AGBL4: variants seen among roughly 807,000 people sequenced by gnomAD.
AGBL4 encodes the protein AGBL carboxypeptidase 4, also known as cytosolic carboxypeptidase 6.
Under a neutral mutation model 66.4 loss-of-function variants are expected in AGBL4, and 58 were observed. That is an observed-to-expected ratio of 0.87 (90% CI 0.71 to 1.09). The LOEUF (loss-of-function observed/expected upper bound fraction) is 1.09. Ranked by LOEUF, AGBL4 falls within the 50% of genes least tolerant of loss-of-function variation. The pLI is 0.00. For missense variants in AGBL4, 579 were observed against 631.0 expected (o/e 0.92, Z 0.88); for synonymous variants, 234 against 222.9 (o/e 1.05, Z -0.44).
intron 4 of AGBL4, among the ~76,000 whole-genome samples, chr1:49,092,167 G>A (rs1194822848): frequency 6.6e-6 from 1 of 152,086 alleles, no homozygotes; most frequent in Non-Finnish European, 1.5e-5. Context: ...ATGTACCCCT[G>A]CAACTATAAT....
At chr1:50,016,479 T>C (rs1207904807) in intron 1 of AGBL4, among the ~76,000 whole-genome samples, 1 of 152,182 alleles carries the variant, frequency 6.6e-6, no homozygotes, top group African/African-American at 2.4e-5. Flanking sequence ...GGACAATCAC[T>C]TGAACCCAGG....
Position 49,293,480 on chromosome 1 carries a change from T to C in AGBL4, c.283-47616A>G, listed in dbSNP as rs528043357. 4.6e-5 allele frequency among the ~76,000 whole-genome samples: 7 copies of C among 152,314 alleles called. No individual in the cohort carries two copies. The East Asian group carries it at 1.2e-3, about 25-fold the overall frequency. ...ACACTATTTATTTGTAAAAATTCAT[T>C]GAGTTATTATATACGTAAAATTTGA... On this transcript the variant is annotated intron_variant, in intron 3 of 13. Transcript: ENST00000371839.
chr1:48,669,623 C>G (rs1646244559), intron 6 of AGBL4, among the ~76,000 whole-genome samples: 1 of 152,144 alleles, frequency 6.6e-6, no homozygotes, highest in Non-Finnish European at 1.5e-5. Flanking sequence ...TTCAGTTTCC[C>G]AGACTTTATA....
intron 1 of AGBL4, among the ~76,000 whole-genome samples, chr1:49,892,794 C>T (rs1054863251): frequency 1.3e-5 from 2 of 152,162 alleles, no homozygotes; most frequent in African/African-American, 4.8e-5. Context: ...ATTCCTCACA[C>T]TTTTCTGTTT....
chr1:49,847,732 C>T (rs1324295476), intron 2 of AGBL4, among the ~76,000 whole-genome samples: 2 of 149,344 alleles, frequency 1.3e-5, no homozygotes, highest in Non-Finnish European at 3.0e-5. Context: ...GATGGAGTCT[C>T]GCTCTGTCAC....
intron 5 of AGBL4, among the ~76,000 whole-genome samples, chr1:49,035,828 A>G (rs1664604879): frequency 6.6e-6 from 1 of 152,082 alleles, no homozygotes; most frequent in African/African-American, 2.4e-5. Context: ...CAATTTCTAT[A>G]TTATCTCTCC....
intron 5 of AGBL4, among the ~76,000 whole-genome samples, chr1:48,947,293 T>G (rs955211907): frequency 6.6e-6 from 1 of 152,274 alleles, no homozygotes; most frequent in Admixed American, 6.5e-5. Context: ...AATGTTTGTC[T>G]ACTTTGCCAG....
chr1:49,407,575 T>A (rs1449907187), intron 3 of AGBL4, among the ~76,000 whole-genome samples: 1 of 152,132 alleles, frequency 6.6e-6, no homozygotes, highest in Non-Finnish European at 1.5e-5. Flanking sequence ...TTTTCACAGG[T>A]GGTAAGAAAG....
intron 3 of AGBL4, among the ~76,000 whole-genome samples, chr1:49,595,865 G>C (rs76402183): frequency 2.0e-4 from 30 of 151,986 alleles, no homozygotes; most frequent in African/African-American, 7.2e-4. Flanking sequence ...ATTTTCCTTC[G>C]CCAAATCAAA....
At chr1:50,014,684 C>T (rs1248816517) in intron 1 of AGBL4, among the ~76,000 whole-genome samples, 1 of 151,676 alleles carries the variant, frequency 6.6e-6, no homozygotes, top group Non-Finnish European at 1.5e-5. Flanking sequence ...GCCAACACGC[C>T]CGGCTAATTT....
chr1:48,645,785 A>G (rs2148430651), intron 8 of AGBL4, among the ~76,000 whole-genome samples: 1 of 152,302 alleles, frequency 6.6e-6, no homozygotes, highest in East Asian at 1.9e-4. Flanking sequence ...TACCATTATA[A>G]TGATATCCTT....
At chr1:49,272,776 TTA>T (rs1280940531) in intron 3 of AGBL4, among the ~76,000 whole-genome samples, 1 of 152,184 alleles carries the variant, frequency 6.6e-6, no homozygotes, top group Non-Finnish European at 1.5e-5. Context: ...ATATGTCTGT[TTA>T]TATACTGTCT....
intron 6 of AGBL4, among the ~76,000 whole-genome samples, chr1:48,823,745 G>A (rs1646365848): frequency 6.6e-6 from 1 of 152,132 alleles, no homozygotes; most frequent in South Asian, 2.1e-4. Context: ...TTTCCCAGTG[G>A]CCAACACAAA....
chr1:49,533,168 C>T (rs962755600), intron 3 of AGBL4, among the ~76,000 whole-genome samples: 1 of 152,160 alleles, frequency 6.6e-6, no homozygotes, highest in African/African-American at 2.4e-5. Flanking sequence ...CACAACCACA[C>T]CCACAATACC....
intron 6 of AGBL4, among the ~76,000 whole-genome samples, chr1:48,746,100 T>C (rs1650702278): frequency 6.6e-6 from 1 of 152,180 alleles, no homozygotes; most frequent in Non-Finnish European, 1.5e-5. Flanking sequence ...ACCTCTCTGA[T>C]CTTGTTGTGT....
At chr1:48,605,891 C>A (rs1286390270) in intron 9 of AGBL4, among the ~76,000 whole-genome samples, 5 of 152,048 alleles carry the variant, frequency 3.3e-5, no homozygotes, top group African/African-American at 1.2e-4. Context: ...CTCTTTTTTT[C>A]TTCTTCTTGC....
chr1:49,282,730 T>C (rs2148407440), intron 3 of AGBL4, among the ~76,000 whole-genome samples: 1 of 151,968 alleles, frequency 6.6e-6, no homozygotes, highest in African/African-American at 2.4e-5. Context: ...GGTCAGGGAG[T>C]TCCCTTTACG....
At chr1:49,502,363 TCCTATTAGTTCTGCCCTTCTAGAGAAC>T (rs1220849830) in intron 3 of AGBL4, among the ~76,000 whole-genome samples, 30 of 152,100 alleles carry the variant, frequency 2.0e-4, no homozygotes, top group Non-Finnish European at 3.1e-4. Flanking sequence ...TATTCATCTA[TCCTATTAGTTCTGCCCTTCTAGAGAAC>T]CCTCACAAAT....
chr1:49,000,244 G>T (rs1383693401), intron 5 of AGBL4, among the ~76,000 whole-genome samples: 1 of 152,140 alleles, frequency 6.6e-6, no homozygotes, highest in Non-Finnish European at 1.5e-5. Context: ...TTCCAACCCA[G>T]TCTGGTTTGA....
Sources: gnomAD v4.1 joint callset for allele counts (sites outside exome capture counted in the v4.1 genomes callset) on GRCh38, gnomAD v4.1.1 for gene constraint, MANE v1.5 for transcripts, NCBI Gene and HGNC (gene_info 2026-07-23, HGNC 2026-07-21) for gene names.